The following AP3B1 variants were observed in gnomAD, a reference collection of about 807,000 sequenced individuals.
AP3B1 encodes adaptor related protein complex 3 subunit beta 1.
AP3B1 carries 61 observed loss-of-function variants against 132.5 expected under a neutral mutation model. The observed-to-expected ratio is 0.46, with a 90% CI of 0.37 to 0.57. AP3B1 has a LOEUF of 0.57. Ranked by LOEUF, AP3B1 falls within the 20% of genes least tolerant of loss-of-function variation. AP3B1 has a pLI of 0.00. For missense variants in AP3B1, 1,120 were observed against 1,289.4 expected (o/e 0.87, Z 2.01); for synonymous variants, 388 against 438.3 (o/e 0.89, Z 1.43).
chr5:78,283,617 A>C, intron 1 of AP3B1, among the ~76,000 whole-genome samples: 1 of 152,204 alleles, frequency 6.6e-6, no homozygotes. Flanking sequence ...TCACCAGCCC[A>C]GGTAGCTGTC....
At position 78,015,765 on chromosome 5, in the gene AP3B1, T is replaced by TA. The variant is rs1157229237; in HGVS notation, c.2993-218dup. The TA allele has an allele frequency of 9.8e-5, 50 of 511,568 alleles. No individual in the cohort carries two copies. In the East Asian group the frequency reaches 1.6e-3, roughly 17 times the overall value. 31.7% of individuals were successfully genotyped at this position (511,568 alleles called of 1,614,324 possible). On this transcript the variant is annotated intron_variant, in intron 25 of 26. Transcript: ENST00000255194. ...TATAGGAAAATGTGTAAAAATTCAG[T>TA]AAAAAATCACTTAAATCTAATTTTA...
chr5:78,081,071 T>C lies in AP3B1; in HGVS notation c.2577+8322A>G, dbSNP rs531928874. 7.6e-4 allele frequency among the ~76,000 whole-genome samples: 115 copies of C among 152,272 alleles called. 1 individual carries two copies. Among genetic ancestry groups the C allele is most frequent in the African/African-American group, 2.5e-3 (105 of 41,570 alleles). On this transcript the variant is annotated intron_variant, in intron 22 of 26. Transcript: ENST00000255194. The stretch of plus-strand genomic sequence containing the variant: ...CCATAGATGTTGATTCAGGGTACTC[T>C]TGAGTTATTATTGGCCAGACTTGGG...
chr5:78,117,192 TA>T, intron 17 of AP3B1, among the ~76,000 whole-genome samples: 1 of 150,562 alleles, frequency 6.6e-6, no homozygotes, highest in Non-Finnish European at 1.5e-5. Context: ...TTTTTTTTTT[TA>T]ATCACAGCAT....
At chr5:78,287,198 TC>T (rs1749320199) in intron 1 of AP3B1, among the ~76,000 whole-genome samples, 1 of 152,188 alleles carries the variant, frequency 6.6e-6, no homozygotes, top group Non-Finnish European at 1.5e-5. Context: ...AAATCTCACA[TC>T]TTATGATTTA....
At chr5:78,010,904 G>A (rs941604554) in intron 26 of AP3B1, among the ~76,000 whole-genome samples, 5 of 152,118 alleles carry the variant, frequency 3.3e-5, no homozygotes, top group African/African-American at 1.2e-4. Flanking sequence ...CACAGGAAGT[G>A]AAGATATTCA....
intron 17 of AP3B1, among the ~76,000 whole-genome samples, chr5:78,123,348 G>A (rs1752313554): frequency 6.6e-6 from 1 of 152,152 alleles, no homozygotes. Flanking sequence ...TTGACAAATG[G>A]GACGTAATTA....
In AP3B1 at chr5:78,039,258, A is replaced by G; in HGVS notation, c.2594T>C (p.Phe865Ser). The change falls in exon 23 of 27, where the codon TTT becomes TCT. Residue 865 changes from phenylalanine to serine, a missense_variant. Physicochemically the swap from Phe to Ser is radical, Grantham distance 155. Around this residue, in one of 3 missense-constraint regions of AP3B1, gnomAD observed 906 missense variants for 997.1 expected, o/e 0.91. Transcript: ENST00000255194. ...SSVISVSTPA[F>S]VPTKTHVLLH... ...CAGCACGTGAGTTTTCGTTGGTACAAATGCAGGAGTACTGACCTATTACAC... is the reference window on the plus strand; with the variant it reads ...CAGCACGTGAGTTTTCGTTGGTACAGATGCAGGAGTACTGACCTATTACAC... 1 of 1,614,058 alleles carries G rather than the reference A, an allele frequency of 6.2e-7. No individual in the cohort carries two copies. Among genetic ancestry groups the G allele is most frequent in the Non-Finnish European group, 8.5e-7 (1 of 1,179,914 alleles).
At chr5:78,242,560 C>T (rs1237645934) in intron 2 of AP3B1, among the ~76,000 whole-genome samples, 1 of 152,118 alleles carries the variant, frequency 6.6e-6, no homozygotes, top group East Asian at 1.9e-4. Flanking sequence ...GCACCTGATG[C>T]CACCACTGGC....
chr5:78,165,181 T>C (rs1277888725), intron 12 of AP3B1, among the ~76,000 whole-genome samples: 3 of 152,134 alleles, frequency 2.0e-5, no homozygotes, highest in African/African-American at 4.8e-5. Flanking sequence ...GGGGCAATTA[T>C]GAAACAAATT....
chr5:78,232,372 T>C (rs961301530), intron 3 of AP3B1, among the ~76,000 whole-genome samples: 2 of 152,160 alleles, frequency 1.3e-5, no homozygotes, highest in African/African-American at 2.4e-5. Context: ...TTGTGAAAGT[T>C]AGCCAGTCAG....
intron 17 of AP3B1, among the ~76,000 whole-genome samples, chr5:78,116,622 A>G (rs1056560967): frequency 2.0e-5 from 3 of 152,168 alleles, no homozygotes; most frequent in Admixed American, 6.5e-5. Context: ...GAGAAAAAAA[A>G]AAAGAAAGAA....
chr5:78,233,359 G>A (rs1043570025), intron 3 of AP3B1, among the ~76,000 whole-genome samples: 3 of 151,534 alleles, frequency 2.0e-5, no homozygotes, highest in Non-Finnish European at 4.4e-5. Flanking sequence ...TCAACCTCCA[G>A]AGTAGCTGGG....
intron 22 of AP3B1, among the ~76,000 whole-genome samples, chr5:78,053,453 C>T (rs1250466561): frequency 1.3e-5 from 2 of 151,854 alleles, no homozygotes; most frequent in African/African-American, 2.4e-5. Flanking sequence ...AGACCGAGGC[C>T]GGTGGATCAC....
chr5:78,122,778 A>G (rs1426180080), intron 17 of AP3B1, among the ~76,000 whole-genome samples: 1 of 152,196 alleles, frequency 6.6e-6, no homozygotes, highest in Non-Finnish European at 1.5e-5. Flanking sequence ...TGCCCAAGGT[A>G]ATTTATAGAT....
chr5:78,233,958 GA>G (rs1391585667), intron 3 of AP3B1, among the ~76,000 whole-genome samples: 1 of 151,690 alleles, frequency 6.6e-6, no homozygotes, highest in Admixed American at 6.6e-5. Flanking sequence ...GAAAACCTAG[GA>G]AAAAAATTAT....
chr5:78,209,763 A>T (rs753413140), intron 7 of AP3B1, among the ~76,000 whole-genome samples: 9 of 152,208 alleles, frequency 5.9e-5, no homozygotes, highest in Non-Finnish European at 1.3e-4. Flanking sequence ...AAGCTAATTC[A>T]GACATTGAGA....
chr5:78,118,812 C>T (rs917184953), intron 17 of AP3B1, among the ~76,000 whole-genome samples: 6 of 152,210 alleles, frequency 3.9e-5, no homozygotes, highest in Admixed American at 2.0e-4. Flanking sequence ...TGTCTGACAG[C>T]TTTGAAGAGA....
At position 78,247,260 on chromosome 5, in the gene AP3B1, T is replaced by C. The variant is rs556558137; in HGVS notation, c.205-6324A>G. ...CAGAATGTAGTCTATCTTGCTAATA[T>C]AGATAATAATTATAATATATAGATA... On this transcript the variant is annotated intron_variant, in intron 2 of 26. Coordinates refer to ENST00000255194, the MANE Select transcript of AP3B1 (RefSeq NM_003664.5). Among the ~76,000 whole-genome samples the C allele has an allele frequency of 7.4e-5, 11 of 148,898 alleles. 1 individual carries two copies. In the South Asian group the frequency reaches 2.3e-3, roughly 31 times the overall value.
intron 26 of AP3B1, among the ~76,000 whole-genome samples, chr5:78,009,805 A>C: frequency 6.6e-6 from 1 of 152,226 alleles, no homozygotes; most frequent in Non-Finnish European, 1.5e-5. Flanking sequence ...AGGGGAAGGA[A>C]TATCAGTAGT....
Sources: allele counts gnomAD v4.1 joint callset (sites outside exome capture counted in the v4.1 genomes callset), GRCh38; gene constraint gnomAD v4.1.1; regional missense constraint gnomAD v4.1.1; transcripts MANE v1.5; gene names NCBI Gene and HGNC (gene_info 2026-07-23, HGNC 2026-07-21).